The following DLGAP1 variants were observed in gnomAD, a reference collection of about 807,000 sequenced individuals.
DLGAP1 encodes disks large-associated protein 1.
DLGAP1 carries 11 observed loss-of-function variants against 90.8 expected under a neutral mutation model. That is an observed-to-expected ratio of 0.12 (90% confidence interval 0.08 to 0.20). The LOEUF (loss-of-function observed/expected upper bound fraction) is 0.20, where lower values mean the gene tolerates loss of function less well. Ranked by LOEUF, DLGAP1 falls within the 10% of genes least tolerant of loss-of-function variation. DLGAP1 has a pLI of 1.00. For synonymous variants in DLGAP1, 558 were observed against 540.7 expected, an observed-to-expected ratio of 1.03 and a Z score of -0.44; for missense variants, 1,050 against 1,333.8, an observed-to-expected ratio of 0.79 and a Z score of 3.31.
intron 7 of DLGAP1, among the ~76,000 whole-genome samples, chr18:3,706,249 C>T (rs763394941): frequency 6.6e-6 from 1 of 151,178 alleles, no homozygotes; most frequent in Admixed American, 6.6e-5. Flanking sequence ...CCACCCACCT[C>T]GGCCTCCCAA....
At chr18:4,442,040 G>A (rs993113876) in intron 1 of DLGAP1, among the ~76,000 whole-genome samples, 1 of 152,164 alleles carries the variant, frequency 6.6e-6, no homozygotes, top group African/African-American at 2.4e-5. Flanking sequence ...CGCCCAGGCT[G>A]GAGTGCAGTG....
chr18:4,063,875 T>C (rs1425063081), intron 2 of DLGAP1, among the ~76,000 whole-genome samples: 2 of 152,044 alleles, frequency 1.3e-5, no homozygotes, highest in East Asian at 1.9e-4. Context: ...CTCCCATGTA[T>C]GCATATTAAA....
chr18:4,090,891 A>G (rs923201392), intron 2 of DLGAP1, among the ~76,000 whole-genome samples: 1 of 152,242 alleles, frequency 6.6e-6, no homozygotes, highest in Admixed American at 6.5e-5. Flanking sequence ...GTACATATAC[A>G]CCATGGAATA....
At chr18:4,115,235 C>T (rs1308633112) in intron 2 of DLGAP1, among the ~76,000 whole-genome samples, 2 of 151,866 alleles carry the variant, frequency 1.3e-5, no homozygotes. Context: ...ATATATGTGT[C>T]TATTCCTTTC....
chr18:3,507,799 G>A (rs576912674), intron 11 of DLGAP1, among the ~76,000 whole-genome samples: 13 of 113,364 alleles, frequency 1.1e-4, no homozygotes, highest in Non-Finnish European at 1.5e-4. Context: ...AGAGTGCAAT[G>A]AACCTCAGCT....
At position 3,601,439 on chromosome 18, in the gene DLGAP1, GGTGTGT is replaced by G. The variant is rs112583120; in HGVS notation, c.1592-19197_1592-19192del. On this transcript the variant is annotated intron_variant, in intron 7 of 12. Transcript: ENST00000315677. Reference sequence around the variant, plus strand: ...CAGATAAACACTTCACATATGCAAGGGTGTGTGTGTGTGTGTGTGTGTGTTTTAACT... The same window carrying G: ...CAGATAAACACTTCACATATGCAAGGGTGTGTGTGTGTGTGTGTTTTAACT... Among the ~76,000 whole-genome samples the G allele has an allele frequency of 9.5e-5, 14 of 148,112 alleles. No homozygotes were observed. The East Asian group carries it at 1.8e-3, about 19-fold the overall frequency.
chr18:4,053,262 A>T (rs1383343832), intron 2 of DLGAP1, among the ~76,000 whole-genome samples: 3 of 152,212 alleles, frequency 2.0e-5, no homozygotes, highest in Non-Finnish European at 4.4e-5. Flanking sequence ...CAGGAAACTT[A>T]TAATCATGGT....
At chr18:3,862,685 T>C (rs1003894266) in intron 4 of DLGAP1, among the ~76,000 whole-genome samples, 13 of 152,268 alleles carry the variant, frequency 8.5e-5, no homozygotes, top group African/African-American at 3.1e-4. Flanking sequence ...CAGGCCCATG[T>C]TAGTCCTCAT....
At chr18:4,053,535 A>G (rs1337743073) in intron 2 of DLGAP1, among the ~76,000 whole-genome samples, 1 of 152,206 alleles carries the variant, frequency 6.6e-6, no homozygotes, top group East Asian at 1.9e-4. Context: ...TATGAAACTC[A>G]TGTTGAATTA....
At chr18:3,740,941 C>A (rs2062883488) in intron 6 of DLGAP1, among the ~76,000 whole-genome samples, 1 of 145,758 alleles carries the variant, frequency 6.9e-6, no homozygotes, top group Non-Finnish European at 1.5e-5. Context: ...ATCACCACCA[C>A]TGCCACCACT....
At chr18:3,896,480 A>C (rs1228282610) in intron 3 of DLGAP1, 2 of 152,258 alleles carry the variant, frequency 1.3e-5, no homozygotes, top group African/African-American at 2.4e-5. Flanking sequence ...AAGAAGACTC[A>C]TCCAGCTTAA....
intron 2 of DLGAP1, among the ~76,000 whole-genome samples, chr18:4,075,885 T>A (rs1015378549): frequency 6.6e-6 from 1 of 152,110 alleles, no homozygotes; most frequent in Non-Finnish European, 1.5e-5. Flanking sequence ...GAATCTAAAG[T>A]TGTTGTTGTT....
At chr18:3,835,735 G>T (rs1568215110) in intron 4 of DLGAP1, among the ~76,000 whole-genome samples, 1 of 151,758 alleles carries the variant, frequency 6.6e-6, no homozygotes, top group Non-Finnish European at 1.5e-5. Context: ...GCATATATGA[G>T]GGCATCCCAC....
chr18:3,714,603 A>ATAC, intron 7 of DLGAP1, among the ~76,000 whole-genome samples: 1 of 150,572 alleles, frequency 6.6e-6, no homozygotes, highest in African/African-American at 2.4e-5. Flanking sequence ...CTGCCACAGC[A>ATAC]TACTAATAGG....
chr18:3,616,796 G>A (rs561547751), intron 7 of DLGAP1, among the ~76,000 whole-genome samples: 1 of 152,082 alleles, frequency 6.6e-6, no homozygotes, highest in East Asian at 1.9e-4. Flanking sequence ...AAAAAAAGAG[G>A]TGGACGAATT....
At chr18:4,433,553 A>G (rs1351370908) in intron 1 of DLGAP1, among the ~76,000 whole-genome samples, 1 of 152,210 alleles carries the variant, frequency 6.6e-6, no homozygotes. Flanking sequence ...ATGTTAACAT[A>G]GTAGGCACTG....
At chr18:3,818,960 G>A (rs901261403) in intron 4 of DLGAP1, among the ~76,000 whole-genome samples, 5 of 151,904 alleles carry the variant, frequency 3.3e-5, no homozygotes, top group African/African-American at 1.2e-4. Context: ...GCTGGAAGTG[G>A]AGTATCTTTT....
At chr18:3,726,056 T>C (rs2062164664) in intron 7 of DLGAP1, among the ~76,000 whole-genome samples, 1 of 152,212 alleles carries the variant, frequency 6.6e-6, no homozygotes, top group Non-Finnish European at 1.5e-5. Flanking sequence ...TGGAGAGAAG[T>C]TCTACCTAAT....
chr18:3,864,277 A>C (rs1393922804), intron 4 of DLGAP1, among the ~76,000 whole-genome samples: 1 of 152,244 alleles, frequency 6.6e-6, no homozygotes, highest in Non-Finnish European at 1.5e-5. Flanking sequence ...CTATTCATCT[A>C]TTCATCTAAT....
Sources: gnomAD v4.1 joint callset for allele counts (sites outside exome capture counted in the v4.1 genomes callset) on GRCh38, gnomAD v4.1.1 for gene constraint, MANE v1.5 for transcripts, NCBI Gene and HGNC (gene_info 2026-07-23, HGNC 2026-07-21) for gene names.